Variants in MECOM observed in about 807,000 individuals in gnomAD.
The protein encoded by MECOM is histone-lysine N-methyltransferase MECOM.
In MECOM, 13 loss-of-function variants were observed where a neutral mutation model predicts 116.3. The ratio of observed to expected loss-of-function variants is 0.11; its 90% confidence interval spans 0.07 to 0.18. The LOEUF (loss-of-function observed/expected upper bound fraction) is 0.18. Ranked by LOEUF, MECOM falls within the 10% of genes least tolerant of loss-of-function variation. The pLI is 1.00. For missense variants in MECOM, 1,299 were observed against 1,509.0 expected, an observed-to-expected ratio of 0.86 and a Z score of 2.31; for synonymous variants, 528 against 535.2, an observed-to-expected ratio of 0.99 and a Z score of 0.19.
intron 1 of MECOM, among the ~76,000 whole-genome samples, chr3:169,631,671 C>T (rs1008150465): frequency 7.2e-6 from 1 of 138,296 alleles, no homozygotes; most frequent in Non-Finnish European, 1.5e-5. Context: ...TCCGTGTGTT[C>T]TCATTGTTCA....
chr3:169,148,027 T>A (rs75797923), intron 2 of MECOM, among the ~76,000 whole-genome samples: 8,258 of 150,988 alleles, frequency 0.055, 646 homozygotes, highest in East Asian at 0.27. Flanking sequence ...TTAAAAAAAA[T>A]TTTTTTAATT....
At chr3:169,441,897 A>ATGTTTTGTTT (rs1449168080) in intron 1 of MECOM, among the ~76,000 whole-genome samples, 1 of 149,840 alleles carries the variant, frequency 6.7e-6, no homozygotes, top group African/African-American at 2.5e-5. Context: ...CGCCTGGCTA[A>ATGTTTTGTTT]TGTTTTGTTT....
chr3:169,507,278 G>A (rs887614850), intron 1 of MECOM, among the ~76,000 whole-genome samples: 28 of 152,144 alleles, frequency 1.8e-4, no homozygotes, highest in African/African-American at 6.8e-4. Flanking sequence ...GCCTATAAAC[G>A]CATGTAGGTA....
Position 169,222,195 on chromosome 3 carries a change from G to T in MECOM, c.376-78363C>A, listed in dbSNP as rs546125757. ...ATATGAGTTACTCATCAATTTATAA[G>T]TGGTAAATTATTTTCTGAGGTCCAA... On this transcript the variant is annotated intron_variant, in intron 2 of 16. Coordinates refer to ENST00000651503, the MANE Select transcript of MECOM (RefSeq NM_004991.4). Among the ~76,000 whole-genome samples, 39 of 152,276 alleles carry T rather than the reference G, an allele frequency of 2.6e-4. No homozygotes were observed. The Middle Eastern group carries it at 0.01, about 40-fold the overall frequency.
Position 169,249,519 on chromosome 3 carries a change from A to G in MECOM, c.376-105687T>C, listed in dbSNP as rs557638864. Among the ~76,000 whole-genome samples the G allele has an allele frequency of 2.6e-5, 4 of 152,292 alleles. No individual in the cohort carries two copies. The South Asian group carries it at 6.2e-4, about 24-fold the overall frequency. ...ATCCTTTCCACTTTGAAGACTGCAA[A>G]AGTCTTGCTGAGAGTCGAGAAGTTA... On this transcript the variant is annotated intron_variant, in intron 2 of 16. Coordinates refer to ENST00000651503, the MANE Select transcript of MECOM (RefSeq NM_004991.4).
At chr3:169,119,976 A>G (rs1472597864) in intron 7 of MECOM, among the ~76,000 whole-genome samples, 1 of 152,160 alleles carries the variant, frequency 6.6e-6, no homozygotes, top group African/African-American at 2.4e-5. Flanking sequence ...AGCTGTGTCG[A>G]GGCAAAGGAG....
At position 169,611,217 on chromosome 3, in the gene MECOM, T is replaced by C. The variant is rs1365248074; in HGVS notation, c.37+52119A>G. ...GTCTCTTGGGAAACTGCCTCTATGA[T>C]AGGCATTTGCAAATTCACCAAGAGT... On this transcript the variant is annotated intron_variant, in intron 1 of 16. Transcript: ENST00000651503. The surrounding 1 kb of genome is among the most constrained non-coding windows in gnomAD (Gnocchi z 4.1). Among the ~76,000 whole-genome samples, 2 of 152,202 alleles carry C rather than the reference T, an allele frequency of 1.3e-5. No individual in the cohort carries two copies. The highest frequency in any genetic ancestry group is 2.4e-5 in the African/African-American group (1 of 41,462).
chr3:169,475,278 T>C lies in MECOM; in HGVS notation c.38-93754A>G, dbSNP rs537476292. 2.0e-5 allele frequency among the ~76,000 whole-genome samples: 3 copies of C among 152,368 alleles called. No individual in the cohort carries two copies. In the South Asian group the frequency reaches 6.2e-4, roughly 32 times the overall value. On this transcript the variant is annotated intron_variant, in intron 1 of 16. Transcript: ENST00000651503. ...TATTGAAATAAGTATCTTTCATGAT[T>C]ATCCTAATATAACCATTTTAGTTCT...
At chr3:169,530,435 A>T (rs995555114) in intron 1 of MECOM, among the ~76,000 whole-genome samples, 1 of 152,154 alleles carries the variant, frequency 6.6e-6, no homozygotes, top group African/African-American at 2.4e-5. Context: ...TGGAGCATAG[A>T]TTTGAGGGGT....
intron 2 of MECOM, among the ~76,000 whole-genome samples, chr3:169,265,971 C>G (rs1412846470): frequency 6.6e-6 from 1 of 152,152 alleles, no homozygotes; most frequent in Non-Finnish European, 1.5e-5. Flanking sequence ...ATTATTGCTT[C>G]TTGAAATCTC....
chr3:169,511,952 G>A (rs780300074), intron 1 of MECOM, among the ~76,000 whole-genome samples: 5 of 152,080 alleles, frequency 3.3e-5, no homozygotes, highest in Admixed American at 1.3e-4. Context: ...TGCTTTAAAT[G>A]TTCTTTTCTG....
At chr3:169,114,741 A>G (rs999948106) in intron 8 of MECOM, among the ~76,000 whole-genome samples, 1 of 152,222 alleles carries the variant, frequency 6.6e-6, no homozygotes, top group African/African-American at 2.4e-5. Flanking sequence ...ATTGCCAAAA[A>G]GGCCTTTTAT....
intron 1 of MECOM, among the ~76,000 whole-genome samples, chr3:169,542,152 G>A (rs1319520222): frequency 3.9e-5 from 6 of 151,942 alleles, no homozygotes; most frequent in East Asian, 3.9e-4. Flanking sequence ...GACCTAAAAC[G>A]CATTGAAAGT....
chr3:169,620,932 T>C (rs1053304160), intron 1 of MECOM, among the ~76,000 whole-genome samples: 1 of 152,212 alleles, frequency 6.6e-6, no homozygotes, highest in Non-Finnish European at 1.5e-5. Flanking sequence ...TTGCCTGATA[T>C]AGGAAAAAGA....
chr3:169,360,319 C>CAAAAAAAAAAAAAAGAAAAAAAAA, intron 2 of MECOM, among the ~76,000 whole-genome samples: 1 of 87,840 alleles, frequency 1.1e-5, no homozygotes, highest in East Asian at 3.8e-4. Context: ...AAAGTTACAC[C>CAAAAAAAAAAAAAAGAAAAAAAAA]AAAAAAAAAA....
At chr3:169,584,880 G>A (rs1400238406) in intron 1 of MECOM, among the ~76,000 whole-genome samples, 1 of 152,178 alleles carries the variant, frequency 6.6e-6, no homozygotes. Context: ...AAAGTACTAA[G>A]AGGATGAAAA....
At chr3:169,105,905 A>T (rs1465021114) in intron 10 of MECOM, among the ~76,000 whole-genome samples, 1 of 152,142 alleles carries the variant, frequency 6.6e-6, no homozygotes, top group East Asian at 1.9e-4. Context: ...TTTTAAAAAC[A>T]TTTCAGCAGG....
intron 2 of MECOM, among the ~76,000 whole-genome samples, chr3:169,219,862 TTAACTA>T (rs1195562384): frequency 6.7e-6 from 1 of 149,240 alleles, no homozygotes; most frequent in Non-Finnish European, 1.5e-5. Context: ...AAGAATACAG[TTAACTA>T]TAAGTTTACC....
chr3:169,485,932 AG>A (rs1418116190), intron 1 of MECOM, among the ~76,000 whole-genome samples: 3 of 28,650 alleles, frequency 1.0e-4, no homozygotes, highest in African/African-American at 3.7e-4. Context: ...TAGTATATAT[AG>A]TATATATGTA....
Sources: gnomAD v4.1 joint callset for allele counts (sites outside exome capture counted in the v4.1 genomes callset) on GRCh38, gnomAD v4.1.1 for gene constraint, Gnocchi (gnomAD v3.1) non-coding constraint, MANE v1.5 for transcripts, NCBI Gene and HGNC (gene_info 2026-07-23, HGNC 2026-07-21) for gene names.